Variants in MAP2 observed in about 807,000 individuals in gnomAD.
MAP2 encodes microtubule associated protein 2.
MAP2 carries 14 observed loss-of-function variants against 137.6 expected under a neutral mutation model. The ratio of observed to expected loss-of-function variants is 0.10; its 90% confidence interval spans 0.07 to 0.16. The LOEUF (loss-of-function observed/expected upper bound fraction) is 0.16, where lower values mean the gene tolerates loss of function less well. Ranked by LOEUF, MAP2 falls within the 10% of genes least tolerant of loss-of-function variation. The pLI is 1.00. For missense variants in MAP2, 2,088 were observed against 2,191.5 expected (o/e 0.95, Z 0.94); for synonymous variants, 786 against 782.3 (o/e 1.00, Z -0.08).
rs2044810995 is a variant in MAP2 at position 209,663,724 on chromosome 2, T to G, written c.262+10292T>G. Among the ~76,000 whole-genome samples the G allele has an allele frequency of 2.0e-5, 3 of 152,336 alleles. No homozygotes were observed. The South Asian group carries it at 6.2e-4, about 32-fold the overall frequency. On this transcript the variant is annotated intron_variant, in intron 5 of 15. Coordinates refer to ENST00000682079, the MANE Select transcript of MAP2 (RefSeq NM_001375505.1). ...AGTTTAAGCATCCTGAAAATCCATA[T>G]TTTTAATTTGTAAACACAGGTCAAA... is the stretch of plus-strand genomic sequence containing the variant.
chr2:209,577,948 T>G (rs957664734), intron 2 of MAP2, among the ~76,000 whole-genome samples: 1 of 152,206 alleles, frequency 6.6e-6, no homozygotes, highest in Admixed American at 6.5e-5. Context: ...GTCTTCAGAA[T>G]GATTGCAATG....
chr2:209,464,147 G>C (rs890942967), intron 1 of MAP2, among the ~76,000 whole-genome samples: 1 of 152,084 alleles, frequency 6.6e-6, no homozygotes, highest in Non-Finnish European at 1.5e-5. Flanking sequence ...TGTGCTCTAT[G>C]CCATCCCAAA....
At chr2:209,588,040 A>G (rs2078217057) in intron 3 of MAP2, among the ~76,000 whole-genome samples, 2 of 152,182 alleles carry the variant, frequency 1.3e-5, no homozygotes, top group African/African-American at 2.4e-5. Flanking sequence ...TGCACTGTAT[A>G]TGTTGTCTAC....
chr2:209,577,064 C>A (rs1484847708), intron 2 of MAP2, among the ~76,000 whole-genome samples: 1 of 152,102 alleles, frequency 6.6e-6, no homozygotes, highest in Non-Finnish European at 1.5e-5. Context: ...TGTTCCCAGA[C>A]ATAAGTCTTA....
At chr2:209,516,573 A>T (rs1181243222) in intron 2 of MAP2, among the ~76,000 whole-genome samples, 1 of 152,210 alleles carries the variant, frequency 6.6e-6, no homozygotes, top group African/African-American at 2.4e-5. Context: ...AAATAAAGGT[A>T]TAGGAATTTC....
At chr2:209,642,009 G>A (rs1382958302) in intron 4 of MAP2, among the ~76,000 whole-genome samples, 1 of 152,132 alleles carries the variant, frequency 6.6e-6, no homozygotes, top group Non-Finnish European at 1.5e-5. Flanking sequence ...GCAAGCAATG[G>A]AACGGATGTT....
intron 2 of MAP2, among the ~76,000 whole-genome samples, chr2:209,522,081 C>G (rs374354707): frequency 2.1e-4 from 32 of 152,044 alleles, no homozygotes; most frequent in Admixed American, 2.6e-4. Context: ...GCTTCTCATA[C>G]TGGATATAGA....
intron 3 of MAP2, among the ~76,000 whole-genome samples, chr2:209,592,098 C>T (rs756014828): frequency 2.7e-4 from 41 of 152,050 alleles, no homozygotes; most frequent in Non-Finnish European, 5.4e-4. Context: ...CCTTTTCAAC[C>T]TAATTTCTTT....
intron 2 of MAP2, among the ~76,000 whole-genome samples, chr2:209,544,397 A>C (rs1006780114): frequency 2.6e-5 from 4 of 152,204 alleles, no homozygotes; most frequent in African/African-American, 9.7e-5. Flanking sequence ...AGGAATCTTC[A>C]CTTTGACTAT....
chr2:209,715,347 G>A (rs1172592600), intron 13 of MAP2, among the ~76,000 whole-genome samples: 4 of 152,036 alleles, frequency 2.6e-5, no homozygotes, highest in African/African-American at 9.7e-5. Flanking sequence ...GAAATACAAA[G>A]TTTTACCTTT....
chr2:209,450,923 A>G (rs1700159638), intron 1 of MAP2, among the ~76,000 whole-genome samples: 1 of 152,184 alleles, frequency 6.6e-6, no homozygotes, highest in Non-Finnish European at 1.5e-5. Flanking sequence ...AGAATTATAT[A>G]ATTATTAGAA....
intron 2 of MAP2, among the ~76,000 whole-genome samples, chr2:209,527,066 T>C (rs573442006): frequency 6.6e-6 from 1 of 152,222 alleles, no homozygotes. Flanking sequence ...CTGGAGCTCT[T>C]TATACTAATC....
intron 3 of MAP2, among the ~76,000 whole-genome samples, chr2:209,619,845 T>C (rs913994534): frequency 1.3e-5 from 2 of 152,112 alleles, no homozygotes; most frequent in Non-Finnish European, 2.9e-5. Flanking sequence ...ATATCAGATA[T>C]CCATTTATCC....
intron 1 of MAP2, among the ~76,000 whole-genome samples, chr2:209,489,407 G>T (rs1231281981): frequency 2.0e-5 from 3 of 152,042 alleles, no homozygotes. Flanking sequence ...ATAACTCCTC[G>T]CCAGCAAGGG....
intron 11 of MAP2, chr2:209,704,412 T>C (rs1485273217): frequency 3.8e-6 from 6 of 1,567,600 alleles, no homozygotes; most frequent in Non-Finnish European, 5.2e-6. Context: ...TATAGTTTGG[T>C]TTATTTTGTG....
In MAP2 at chr2:209,710,167, T is replaced by A. The variant is rs946866537; in HGVS notation, c.4986T>A (p.Leu1662=). The A allele has an allele frequency of 1.9e-6, 3 of 1,613,814 alleles. No individual in the cohort carries two copies. Among genetic ancestry groups the A allele is most frequent in the Non-Finnish European group, 2.5e-6 (3 of 1,179,886 alleles). ...KSPATPKQLR[L]INQPLPDLKN... is the part of the protein sequence containing the mutation. ...CTGCGACTCCCAAGCAGCTTCGGCT[T>A]ATTAACCAACCACTGCCAGACCTGA... The change falls in exon 13 of 16, where the codon CTT becomes CTA. Residue 1662 remains leucine (L), a synonymous_variant. Transcript: ENST00000682079.
intron 1 of MAP2, among the ~76,000 whole-genome samples, chr2:209,462,119 T>C (rs148736485): frequency 6.6e-6 from 1 of 152,334 alleles, no homozygotes; most frequent in East Asian, 1.9e-4. Flanking sequence ...AATATATGAA[T>C]GTTAATTCAA....
At chr2:209,507,330 C>T (rs565610263) in intron 1 of MAP2, among the ~76,000 whole-genome samples, 2 of 152,130 alleles carry the variant, frequency 1.3e-5, no homozygotes, top group South Asian at 2.1e-4. Flanking sequence ...AGGACTTCTA[C>T]TTTAAATAAG....
chr2:209,713,127 G>C (rs537075344), intron 13 of MAP2, among the ~76,000 whole-genome samples: 2 of 151,294 alleles, frequency 1.3e-5, no homozygotes, highest in South Asian at 4.1e-4. Flanking sequence ...AGGGTCTATT[G>C]TGGTAAAATT....
Sources: gnomAD v4.1 joint callset for allele counts (sites outside exome capture counted in the v4.1 genomes callset) on GRCh38, gnomAD v4.1.1 for gene constraint, MANE v1.5 for transcripts, NCBI Gene and HGNC (gene_info 2026-07-23, HGNC 2026-07-21) for gene names.